NUP214: variants seen among roughly 807,000 people sequenced by gnomAD.
The protein encoded by NUP214 is nucleoporin 214.
Under a neutral mutation model 196.2 loss-of-function variants are expected in NUP214, and 79 were observed. That is an observed-to-expected ratio of 0.40 (90% CI 0.34 to 0.49). NUP214 has a LOEUF of 0.49. NUP214 is among the 20% of genes least tolerant of loss of function. The pLI is 0.58. For synonymous variants in NUP214, 1,020 were observed against 990.5 expected (o/e 1.03, Z -0.56); for missense variants, 2,468 against 2,539.0 (o/e 0.97, Z 0.60).
chr9:131,125,770 TC>T lies in NUP214; in HGVS notation c.45+24del. On this transcript the variant is annotated intron_variant, in intron 1 of 35. Coordinates refer to ENST00000359428, the MANE Select transcript of NUP214 (RefSeq NM_005085.4). The surrounding 1 kb of genome is among the most constrained non-coding windows in gnomAD (Gnocchi z 4.1). ...TGAAGGTCAGAGACTAACCGGGGCC[TC>T]CCTCCCTTCTTTAGTCCTGGCGTTG... is the stretch of plus-strand genomic sequence containing the variant. The T allele has an allele frequency of 6.4e-7, 1 of 1,550,508 alleles. No homozygotes were observed. The highest frequency in any genetic ancestry group is 8.7e-7 in the Non-Finnish European group (1 of 1,146,450).
In NUP214 at chr9:131,175,617, A is replaced by C. The variant is rs771610567; in HGVS notation, c.3315A>C (p.Ala1105=). ...AALRRQMASQ[A]PAVNTLTEST... is the part of the protein sequence containing the mutation. ...TCAGGCGGCAGATGGCCAGTCAGGC[A>C]CCAGGTAAAAGCTGTAGCCCCATAC... Residue 1105 remains alanine, a synonymous_variant, in exon 23 of 36, where the codon GCA becomes GCC. Coordinates refer to ENST00000359428, the MANE Select transcript of NUP214 (RefSeq NM_005085.4). 3 of 1,614,176 alleles carry C rather than the reference A, an allele frequency of 1.9e-6. No homozygotes were observed. In the South Asian group the frequency reaches 3.3e-5, roughly 18 times the overall value.
At chr9:131,189,173 C>T in intron 26 of NUP214, 42 bp downstream of exon 26, 1 of 1,473,010 alleles carries the variant, frequency 6.8e-7, no homozygotes, top group Non-Finnish European at 9.5e-7. Context: ...GAAAGAAGCA[C>T]TCCACAATAG....
Position 131,146,282 on chromosome 9 carries a change from C to G in NUP214, c.1923C>G (p.Ser641=). The part of the protein sequence containing the change: ...SAPPSSVPLK[S]SVLPSPSGRS... ...CACCTAGTTCCGTGCCATTGAAGTC[C>G]TCAGTCTTGCCCTCACCATCAGGTA... Residue 641 remains serine (S), a synonymous_variant, in exon 13 of 36, where the codon TCC becomes TCG. Coordinates refer to ENST00000359428, the MANE Select transcript of NUP214 (RefSeq NM_005085.4). The surrounding 1 kb of genome is among the most constrained non-coding windows in gnomAD (Gnocchi z 4.6). 1 of 1,614,180 alleles carries G rather than the reference C, an allele frequency of 6.2e-7. No individual in the cohort carries two copies. Among genetic ancestry groups the G allele is most frequent in the South Asian group, 1.1e-5 (1 of 91,084 alleles).
intron 30 of NUP214, 102 bp downstream of exon 30, chr9:131,201,819 A>C (rs1833949423): frequency 1.0e-6 from 1 of 982,718 alleles, no homozygotes; most frequent in African/African-American, 1.6e-5. Flanking sequence ...AAATCCAGCA[A>C]ATATAGCCCT....
At position 131,150,662 on chromosome 9, in the gene NUP214, C is replaced by T. The variant is rs1345656772; in HGVS notation, c.2174C>T (p.Ser725Phe). 2 of 1,613,992 alleles carry T rather than the reference C, an allele frequency of 1.2e-6. No homozygotes were observed. Among genetic ancestry groups the T allele is most frequent in the Non-Finnish European group, 1.7e-6 (2 of 1,180,018 alleles). ...TTGGAAGAGTTAAAAGCCCGAACTT[C>T]CAAAGCCTGTTTCCAAGTGGGCACT... is the stretch of plus-strand genomic sequence containing the variant. ...KELEELKART[S>F]KACFQVGTSE... The change falls in exon 16 of 36, where the codon TCC becomes TTC. Residue 725 changes from serine (S) to phenylalanine (F), a missense_variant. Coordinates refer to ENST00000359428, the MANE Select transcript of NUP214 (RefSeq NM_005085.4).
In NUP214 at chr9:131,186,144, C is replaced by T. The variant is rs552694835; in HGVS notation, c.3420-1145C>T. On this transcript the variant is annotated intron_variant, in intron 24 of 35. Coordinates refer to ENST00000359428, the MANE Select transcript of NUP214 (RefSeq NM_005085.4). ...TTCTTTTCCTCTGGTACAGATTCAG[C>T]GGAGGTGACGGGGGAACACTGTATC... 3.9e-5 allele frequency among the ~76,000 whole-genome samples: 6 copies of T among 152,202 alleles called. No homozygotes were observed. The South Asian group carries it at 8.3e-4, about 21-fold the overall frequency.
intron 21 of NUP214, among the ~76,000 whole-genome samples, chr9:131,169,033 T>G (rs1273425275): frequency 1.8e-5 from 1 of 55,292 alleles, no homozygotes; most frequent in African/African-American, 5.9e-5. Flanking sequence ...TGTTTTTTTT[T>G]GTTTTTTTTT....
intron 24 of NUP214, among the ~76,000 whole-genome samples, chr9:131,179,294 G>T (rs1833201396): frequency 6.6e-6 from 1 of 152,162 alleles, no homozygotes; most frequent in South Asian, 2.1e-4. Flanking sequence ...GAGCCACTGT[G>T]CCCAGCCTAG....
intron 24 of NUP214, among the ~76,000 whole-genome samples, chr9:131,180,862 TA>T (rs1160773616): frequency 6.6e-6 from 1 of 152,220 alleles, no homozygotes; most frequent in Non-Finnish European, 1.5e-5. Context: ...AACAAATACT[TA>T]ATGAGCATTT....
chr9:131,218,498 C>T (rs1834466170), intron 31 of NUP214, among the ~76,000 whole-genome samples: 1 of 152,128 alleles, frequency 6.6e-6, no homozygotes, highest in Admixed American at 6.5e-5. Flanking sequence ...ACTGATTCTC[C>T]TGGTTCCTTC....
intron 21 of NUP214, among the ~76,000 whole-genome samples, chr9:131,166,504 A>AT (rs1293885606): frequency 5.0e-4 from 76 of 152,366 alleles, no homozygotes; most frequent in Middle Eastern, 3.4e-3. Context: ...TTAAGCAGAT[A>AT]ACTGCACATG....
In NUP214 at chr9:131,146,385, A is replaced by G; in HGVS notation, c.1945+81A>G. The stretch of plus-strand genomic sequence containing the variant: ...TTTTAAGTGTTAAGAGTCGTAGCTA[A>G]CATAGTTGGACAAGGTTATTTTTTC... On this transcript the variant is annotated intron_variant, in intron 13 of 35. Coordinates refer to ENST00000359428, the MANE Select transcript of NUP214 (RefSeq NM_005085.4). This position sits in a 1 kb window ranked among gnomAD's most constrained non-coding sequence, Gnocchi z 4.6. 2 of 1,362,398 alleles carry G rather than the reference A, an allele frequency of 1.5e-6. No homozygotes were observed. Among genetic ancestry groups the G allele is most frequent in the Non-Finnish European group, 2.1e-6 (2 of 975,238 alleles). 84.4% of individuals were successfully genotyped at this position (1,362,398 alleles called of 1,614,324 possible).
intron 9 of NUP214, chr9:131,136,806 T>C (rs888219198): frequency 6.6e-6 from 1 of 152,200 alleles, no homozygotes; most frequent in Admixed American, 6.5e-5. Flanking sequence ...TATCCACTTG[T>C]AGATTTTGCA....
At chr9:131,151,614 A>G in intron 16 of NUP214, 122 bp from the exon 17 acceptor site, 2 of 647,046 alleles carry the variant, frequency 3.1e-6, no homozygotes, top group Non-Finnish European at 5.2e-6. Flanking sequence ...TACCTGAGTT[A>G]AATATGTTCA....
chr9:131,195,473 AT>A (rs1833747941), intron 28 of NUP214, 179 bp downstream of exon 28: 3 of 460,434 alleles, frequency 6.5e-6, no homozygotes, highest in Non-Finnish European at 1.2e-5. Context: ...GATGTGAAGG[AT>A]TTCTATTTTT....
At position 131,164,100 on chromosome 9, in the gene NUP214, T is replaced by A; in HGVS notation, c.2849T>A (p.Phe950Tyr). 6.2e-7 allele frequency: 1 copy of A among 1,614,092 alleles called. No individual in the cohort carries two copies. Among genetic ancestry groups the A allele is most frequent in the Non-Finnish European group, 8.5e-7 (1 of 1,180,030 alleles). The change falls in exon 21 of 36, where the codon TTC (phenylalanine) becomes TAC (tyrosine). Residue 950 changes from phenylalanine to tyrosine, a missense_variant. Phe to Tyr is a conservative substitution (Grantham distance 22). Around this residue, in one of 5 missense-constraint regions of NUP214, gnomAD observed 1,801 missense variants for 1,779.4 expected, o/e 1.01. Transcript: ENST00000359428. The part of the protein sequence containing the change: ...SPMKQAQLRN[F>Y]LAKRKTPPVR... ...ATGAAACAGGCACAACTGAGAAACT[T>A]CTTGGCCAAGAGGAAGACCCCACCA...
intron 16 of NUP214, among the ~76,000 whole-genome samples, 158 bp downstream of exon 16, chr9:131,150,923 A>C (rs1187418735): frequency 6.6e-6 from 1 of 152,128 alleles, no homozygotes; most frequent in East Asian, 1.9e-4. Context: ...CTGAGTTCAA[A>C]TCCTACCTTC....
chr9:131,130,538 A>G (rs1229208335), intron 4 of NUP214, among the ~76,000 whole-genome samples: 6 of 152,184 alleles, frequency 3.9e-5, no homozygotes, highest in Non-Finnish European at 8.8e-5. Flanking sequence ...CTGGGCAGTA[A>G]TCTATTGAAA....
At chr9:131,210,845 AAT>A (rs1346907914) in intron 30 of NUP214, among the ~76,000 whole-genome samples, 2 of 152,228 alleles carry the variant, frequency 1.3e-5, no homozygotes, top group African/African-American at 4.8e-5. Flanking sequence ...CAGGCAGTCC[AAT>A]ATATGTGTAA....
Sources: gnomAD v4.1 joint callset for allele counts (sites outside exome capture counted in the v4.1 genomes callset) on GRCh38, gnomAD v4.1.1 for gene constraint, gnomAD v4.1.1 regional missense constraint, Gnocchi (gnomAD v3.1) non-coding constraint, MANE v1.5 for transcripts, NCBI Gene and HGNC (gene_info 2026-07-23, HGNC 2026-07-21) for gene names.